ZC3H12A: variants seen among roughly 807,000 people sequenced by gnomAD.
The protein encoded by ZC3H12A is endoribonuclease ZC3H12A.
ZC3H12A carries 9 observed loss-of-function variants against 29.9 expected under a neutral mutation model. That is an observed-to-expected ratio of 0.30 (90% CI 0.18 to 0.53). The LOEUF is 0.53. Among genes scored for constraint, ZC3H12A ranks in the 20% least tolerant of loss-of-function variants. ZC3H12A has a pLI of 0.96. For missense variants in ZC3H12A, 617 were observed against 799.0 expected (o/e 0.77, Z 2.75); for synonymous variants, 323 against 338.1 (o/e 0.96, Z 0.49).
At chr1:37,481,350 C>G (rs1641697870) in intron 3 of ZC3H12A, among the ~76,000 whole-genome samples, 1 of 152,272 alleles carries the variant, frequency 6.6e-6, no homozygotes, top group Non-Finnish European at 1.5e-5. Flanking sequence ...ACAAGGCCAG[C>G]TCTGTGCTTG....
In ZC3H12A at chr1:37,476,544, G is replaced by A. The variant is rs761612943; in HGVS notation, c.443+605G>A. 1.3e-5 allele frequency among the ~76,000 whole-genome samples: 2 copies of A among 152,124 alleles called. No homozygotes were observed. The highest frequency in any genetic ancestry group is 2.9e-5 in the Non-Finnish European group (2 of 68,008). ...GTGGCCTGATGCTCTGGCCTCAGGC[G>A]AGCTGCAACTTGGATCCCTACTGAC... On this transcript the variant is annotated intron_variant, in intron 2 of 5. Transcript: ENST00000373087. The surrounding 1 kb of genome is among the most constrained non-coding windows in gnomAD (Gnocchi z 6.0).
In ZC3H12A at chr1:37,478,831, A is replaced by C; in HGVS notation, c.444-1459A>C. ...TAACAGGGCCTGGTTCACAGCTCTCAGCAAATGGGAACTTTTATTATAAGC... is the reference window on the plus strand; with the variant it reads ...TAACAGGGCCTGGTTCACAGCTCTCCGCAAATGGGAACTTTTATTATAAGC... On this transcript the variant is annotated intron_variant, in intron 2 of 5. Transcript: ENST00000373087. The surrounding 1 kb of genome is among the most constrained non-coding windows in gnomAD (Gnocchi z 5.2). 24 of 985,392 alleles carry C rather than the reference A, an allele frequency of 2.4e-5. No homozygotes were observed. Among genetic ancestry groups the C allele is most frequent in the Non-Finnish European group, 2.9e-5 (24 of 829,906 alleles). The allele number at this position is 985,392 out of a possible 1,614,324, so 61.0% of individuals were successfully genotyped here.
rs1210793126 is a variant in ZC3H12A at position 37,483,074 on chromosome 1, C to T, written c.1263C>T (p.Leu421=). Residue 421 remains leucine (L), a synonymous_variant, in exon 6 of 6, where the codon CTC becomes CTT. Coordinates refer to ENST00000373087, the MANE Select transcript of ZC3H12A (RefSeq NM_025079.3). ...SGSSFGPTDW[L]PQTLDSLPYV... The stretch of plus-strand genomic sequence containing the variant: ...GCAGCTTTGGGCCCACAGACTGGCT[C>T]CCACAGACGCTGGACTCACTCCCGT... 3 of 1,610,200 alleles carry T rather than the reference C, an allele frequency of 1.9e-6. No individual in the cohort carries two copies. The highest frequency in any genetic ancestry group is 4.5e-5 in the East Asian group (2 of 44,702).
chr1:37,483,406 C>T lies in ZC3H12A; in HGVS notation c.1595C>T (p.Pro532Leu). Reference sequence around the variant, plus strand: ...CCCACATCAGTCCTTCAGGAGCCCCCAGTGCAGAGCCCAGGGGCTGGCAGG... The same window carrying T: ...CCCACATCAGTCCTTCAGGAGCCCCTAGTGCAGAGCCCAGGGGCTGGCAGG... Reference protein sequence around the residue: ...PPPTSVLQEPPVQSPGAGRSP... With the variant: ...PPPTSVLQEPLVQSPGAGRSP... The change falls in exon 6 of 6, where the codon CCA becomes CTA. Residue 532 changes from proline to leucine, a missense_variant. Pro to Leu is a moderately conservative substitution (Grantham distance 98, BLOSUM62 -3). Coordinates refer to ENST00000373087, the MANE Select transcript of ZC3H12A (RefSeq NM_025079.3). 6.2e-7 allele frequency: 1 copy of T among 1,614,046 alleles called. No individual in the cohort carries two copies. Among genetic ancestry groups the T allele is most frequent in the Non-Finnish European group, 8.5e-7 (1 of 1,179,952 alleles).
chr1:37,482,804 C>T lies in ZC3H12A; in HGVS notation c.993C>T (p.Arg331=). Residue 331 remains arginine, a synonymous_variant, in exon 6 of 6, where the codon CGC becomes CGT. Coordinates refer to ENST00000373087, the MANE Select transcript of ZC3H12A (RefSeq NM_025079.3). ...CAGAGCGGCCAAGCTGCCCCCAGCG[C>T]TCTGTGGCAGATGAGCTCCGTGCCA... ...FHPERPSCPQ[R]SVADELRANA... The T allele has an allele frequency of 6.2e-7, 1 of 1,614,106 alleles. No individual in the cohort carries two copies. The highest frequency in any genetic ancestry group is 8.5e-7 in the Non-Finnish European group (1 of 1,180,018).
Position 37,479,491 on chromosome 1 carries a change from G to A in ZC3H12A, c.444-799G>A. The A allele has an allele frequency of 1.0e-6, 1 of 985,466 alleles. No homozygotes were observed. Among genetic ancestry groups the A allele is most frequent in the Non-Finnish European group, 1.2e-6 (1 of 829,930 alleles). The allele number at this position is 985,466 out of a possible 1,614,324, so 61.0% of individuals were successfully genotyped here. On this transcript the variant is annotated intron_variant, in intron 2 of 5. Transcript: ENST00000373087. The surrounding 1 kb of genome is among the most constrained non-coding windows in gnomAD (Gnocchi z 4.5). ...CAAGGCAGGGCCCATGCCTTACTCAGCTGTCCTTGCTAAGAGTCCCCTAGC... is the reference window on the plus strand; with the variant it reads ...CAAGGCAGGGCCCATGCCTTACTCAACTGTCCTTGCTAAGAGTCCCCTAGC...
rs1641652838 is a variant in ZC3H12A at position 37,479,355 on chromosome 1, G to C, written c.444-935G>C. On this transcript the variant is annotated intron_variant, in intron 2 of 5. Coordinates refer to ENST00000373087, the MANE Select transcript of ZC3H12A (RefSeq NM_025079.3). This position sits in a 1 kb window ranked among gnomAD's most constrained non-coding sequence, Gnocchi z 4.5. ...ACCCCTCTTAAGGAAGCTGCAGACTGCTGGGCCCATTTTCAGATAGAGGAA... is the reference window on the plus strand; with the variant it reads ...ACCCCTCTTAAGGAAGCTGCAGACTCCTGGGCCCATTTTCAGATAGAGGAA... 8 of 985,436 alleles carry C rather than the reference G, an allele frequency of 8.1e-6. No individual in the cohort carries two copies. Among genetic ancestry groups the C allele is most frequent in the Non-Finnish European group, 9.6e-6 (8 of 829,928 alleles). 61.0% of individuals were successfully genotyped at this position (985,436 alleles called of 1,614,324 possible). A position where few individuals can be genotyped will look rare whatever the true frequency, so the allele number is the denominator to read the frequency against.
At chr1:37,481,510 C>T in intron 3 of ZC3H12A, 91 bp from the exon 4 acceptor site, 2 of 1,294,722 alleles carry the variant, frequency 1.5e-6, no homozygotes. Context: ...TTAACCACTC[C>T]TGTGTGTGGC....
chr1:37,481,496 G>A, intron 3 of ZC3H12A, 105 bp from the exon 4 acceptor site: 1 of 1,091,672 alleles, frequency 9.2e-7, no homozygotes, highest in Non-Finnish European at 1.4e-6. Flanking sequence ...CGGTGACCTT[G>A]GCGTTAACCA....
chr1:37,482,314 C>T (rs1641725481), intron 4 of ZC3H12A, 120 bp from the exon 5 acceptor site: 3 of 857,658 alleles, frequency 3.5e-6, no homozygotes, highest in East Asian at 2.5e-5. Context: ...CCTGGACAGG[C>T]CCCAGTTTTA....
rs143373654 is a variant in ZC3H12A at position 37,475,976 on chromosome 1, C to T, written c.443+37C>T. The T allele has an allele frequency of 3.5e-5, 52 of 1,472,680 alleles. No homozygotes were observed. The African/African-American group carries it at 4.9e-4, about 14-fold the overall frequency. The allele number at this position is 1,472,680 out of a possible 1,614,324, so 91.2% of individuals were successfully genotyped here. ...TTCTGTGGCCAGGACACATGAGGTT[C>T]GCATCTCTCCTGTGGCCAGGACACA... On this transcript the variant is annotated intron_variant, in intron 2 of 5. Transcript: ENST00000373087. This position sits in a 1 kb window ranked among gnomAD's most constrained non-coding sequence, Gnocchi z 5.2.
In ZC3H12A at chr1:37,478,214, G is replaced by A. The variant is rs913678206; in HGVS notation, c.444-2076G>A. ...TGGGCATTGTGAAGACACAGACCAG[G>A]GACCTGACCTATTGTGGCAGGTCAG... is the stretch of plus-strand genomic sequence containing the variant. On this transcript the variant is annotated intron_variant, in intron 2 of 5. Transcript: ENST00000373087. The surrounding 1 kb of genome is among the most constrained non-coding windows in gnomAD (Gnocchi z 5.2). Among the ~76,000 whole-genome samples, 1 of 152,202 alleles carries A rather than the reference G, an allele frequency of 6.6e-6. No individual in the cohort carries two copies. Among genetic ancestry groups the A allele is most frequent in the Non-Finnish European group, 1.5e-5 (1 of 68,030 alleles).
chr1:37,480,399 G>C lies in ZC3H12A; in HGVS notation c.553G>C (p.Glu185Gln). ...AGTGTTTGTGCCATCCTGGAGGAAG[G>C]AGCAGCCTCGGCCCGACGTGCCCAT... is the stretch of plus-strand genomic sequence containing the variant. The part of the protein sequence containing the change: ...ITVFVPSWRK[E>Q]QPRPDVPITD... Residue 185 changes from glutamate (E) to glutamine (Q), a missense_variant, in exon 3 of 6, where the codon GAG becomes CAG. Physicochemically the swap from Glu to Gln is conservative, Grantham distance 29. Transcript: ENST00000373087. The C allele has an allele frequency of 1.2e-6, 2 of 1,613,780 alleles. No homozygotes were observed. Among genetic ancestry groups the C allele is most frequent in the East Asian group, 2.2e-5 (1 of 44,894 alleles).
chr1:37,475,457 A>G lies in ZC3H12A; in HGVS notation c.-38-2A>G. ...CCGTCCCTAACCCTGTTGGTTGTTCAGTAGGAGCTGTGGCGCGGGGCCTTC... is the reference window on the plus strand; with the variant it reads ...CCGTCCCTAACCCTGTTGGTTGTTCGGTAGGAGCTGTGGCGCGGGGCCTTC... On this transcript the variant is annotated splice_acceptor_variant, in intron 1 of 5. Transcript: ENST00000373087. LOFTEE classifies it low-confidence loss of function (5UTR_SPLICE). This position sits in a 1 kb window ranked among gnomAD's most constrained non-coding sequence, Gnocchi z 5.2. 6.4e-7 allele frequency: 1 copy of G among 1,557,618 alleles called. No homozygotes were observed. Among genetic ancestry groups the G allele is most frequent in the East Asian group, 2.3e-5 (1 of 44,420 alleles).
Position 37,479,996 on chromosome 1 carries a change from A to C in ZC3H12A, c.444-294A>C. On this transcript the variant is annotated intron_variant, in intron 2 of 5. Coordinates refer to ENST00000373087, the MANE Select transcript of ZC3H12A (RefSeq NM_025079.3). The surrounding 1 kb of genome is among the most constrained non-coding windows in gnomAD (Gnocchi z 4.5). ...CTGCCAGCTTCCTGGGCGCTTCCTC[A>C]CTTTCAGGAGATGGAGCCTCAGGGA... 2 of 1,128,478 alleles carry C rather than the reference A, an allele frequency of 1.8e-6. No homozygotes were observed. The highest frequency in any genetic ancestry group is 2.2e-6 in the Non-Finnish European group (2 of 919,038). 69.9% of individuals were successfully genotyped at this position (1,128,478 alleles called of 1,614,324 possible).
chr1:37,477,919 G>GGGTT (rs1184199277), intron 2 of ZC3H12A, among the ~76,000 whole-genome samples: 1 of 152,152 alleles, frequency 6.6e-6, no homozygotes, highest in Non-Finnish European at 1.5e-5. Context: ...ATATTCAGGT[G>GGGTT]CTAGGGCTGC....
chr1:37,482,266 C>T, intron 4 of ZC3H12A, 168 bp from the exon 5 acceptor site: 2 of 625,428 alleles, frequency 3.2e-6, no homozygotes, highest in South Asian at 2.0e-5. Flanking sequence ...TTTCTCCTCC[C>T]TTGGTATGAT....
At chr1:37,481,533 A>T in intron 3 of ZC3H12A, 68 bp from the exon 4 acceptor site, 1 of 1,513,342 alleles carries the variant, frequency 6.6e-7, no homozygotes, top group Non-Finnish European at 9.1e-7. Flanking sequence ...TCAGCAGGTT[A>T]GGGAGCCCTG....
At chr1:37,477,490 C>A (rs376769529) in intron 2 of ZC3H12A, among the ~76,000 whole-genome samples, 2 of 152,318 alleles carry the variant, frequency 1.3e-5, no homozygotes, top group South Asian at 2.1e-4. Flanking sequence ...GCCACCCCCC[C>A]TCCCCAGGGG....
Sources: gnomAD v4.1 joint callset for allele counts (sites outside exome capture counted in the v4.1 genomes callset) on GRCh38, gnomAD v4.1.1 for gene constraint, Gnocchi (gnomAD v3.1) non-coding constraint, MANE v1.5 for transcripts, NCBI Gene and HGNC (gene_info 2026-07-23, HGNC 2026-07-21) for gene names.